The following DNTTIP1 variants were observed in gnomAD, a reference collection of about 807,000 sequenced individuals.
DNTTIP1 encodes deoxynucleotidyltransferase terminal-interacting protein 1.
In DNTTIP1, 22 loss-of-function variants were observed where a neutral mutation model predicts 52.9. That is an observed-to-expected ratio of 0.42 (90% CI 0.30 to 0.59). The LOEUF is 0.59. DNTTIP1 is among the 20% of genes least tolerant of loss of function. DNTTIP1 has a pLI of 0.22. For missense variants in DNTTIP1, 286 were observed against 435.5 expected, an observed-to-expected ratio of 0.66 and a Z score of 3.06; for synonymous variants, 136 against 155.1, an observed-to-expected ratio of 0.88 and a Z score of 0.92.
At chr20:45,800,588 C>T (rs773771851) in intron 4 of DNTTIP1, among the ~76,000 whole-genome samples, 1 of 148,942 alleles carries the variant, frequency 6.7e-6, no homozygotes, top group Non-Finnish European at 1.5e-5. Context: ...GCAGGAGAAT[C>T]GCTTGAACCC....
At chr20:45,797,684 C>T (rs56948489) in intron 4 of DNTTIP1, among the ~76,000 whole-genome samples, 8,775 of 152,300 alleles carry the variant, frequency 0.058, 634 homozygotes, top group African/African-American at 0.16. Context: ...CATGAACAGA[C>T]ACTCCTCAAA....
At chr20:45,801,046 T>C (rs1981450462) in intron 4 of DNTTIP1, 28 bp from the exon 5 acceptor site, 1 of 1,605,744 alleles carries the variant, frequency 6.2e-7, no homozygotes, top group African/African-American at 1.3e-5. Context: ...AAATAGTGAC[T>C]GGTAACACTT....
At chr20:45,803,943 G>T (rs1390424119) in intron 8 of DNTTIP1, among the ~76,000 whole-genome samples, 2 of 152,140 alleles carry the variant, frequency 1.3e-5, no homozygotes, top group East Asian at 3.9e-4. Context: ...TCTCTCTCCT[G>T]AGTTCTTCCT....
intron 5 of DNTTIP1, 87 bp downstream of exon 5, chr20:45,801,229 A>G (rs1981458898): frequency 3.5e-6 from 5 of 1,438,930 alleles, no homozygotes; most frequent in South Asian, 3.4e-5. Flanking sequence ...GGGAGGTTCC[A>G]TGTACTTCCA....
intron 7 of DNTTIP1, 43 bp from the exon 8 acceptor site, chr20:45,803,290 T>C: frequency 6.2e-7 from 1 of 1,608,018 alleles, no homozygotes; most frequent in Non-Finnish European, 8.5e-7. Flanking sequence ...TAGTCCTAGG[T>C]CTCACCTTGG....
At chr20:45,805,430 C>T in intron 10 of DNTTIP1, 64 bp downstream of exon 10, 6 of 1,543,310 alleles carry the variant, frequency 3.9e-6, no homozygotes, top group Non-Finnish European at 4.4e-6. Flanking sequence ...CTCCACTCAG[C>T]ACAGAGAAGC....
chr20:45,800,695 ATATATATATATATATATATATATATATAT>A lies in DNTTIP1; in HGVS notation c.373-378_373-350del, dbSNP rs1398196100. ...ATCTCAATTTAAAAAAAAAAAAAAA[ATATATATATATATATATATATATATATAT>A]ATATATATATATATATATATATATA... On this transcript the variant is annotated intron_variant, in intron 4 of 12. Transcript: ENST00000372622. Among the ~76,000 whole-genome samples the A allele has an allele frequency of 7.9e-3, 72 of 9,100 alleles. 10 individuals are homozygous for A. Among genetic ancestry groups the A allele is most frequent in the South Asian group, 0.049 (13 of 266 alleles). 6.0% of individuals were successfully genotyped at this position (9,100 alleles called of 152,430 possible). A position where few individuals can be genotyped will look rare whatever the true frequency, so the allele number is the denominator to read the frequency against.
At chr20:45,800,690 AAAAAATATATATATATAT>A (rs1981410485) in intron 4 of DNTTIP1, among the ~76,000 whole-genome samples, 2 of 52,358 alleles carry the variant, frequency 3.8e-5, no homozygotes, top group Admixed American at 6.1e-4. Flanking sequence ...AAAAAAAAAA[AAAAAATATATATATATAT>A]ATATATATAT....
chr20:45,798,662 G>A (rs190360774), intron 4 of DNTTIP1, among the ~76,000 whole-genome samples: 24 of 152,130 alleles, frequency 1.6e-4, no homozygotes, highest in Middle Eastern at 3.4e-3. Flanking sequence ...AGTACCTGGG[G>A]TACTCTACCC....
chr20:45,800,714 T>A (rs1362935347), intron 4 of DNTTIP1, among the ~76,000 whole-genome samples: 64 of 4,384 alleles, frequency 0.015, 9 homozygotes, highest in African/African-American at 0.035. Context: ...TATATATATA[T>A]ATATATATAT....
rs1353548886 is a variant in DNTTIP1, at chr20:45,805,204, A to G, written c.662A>G (p.Lys221Arg). The change falls in exon 9 of 13, where the codon AAA becomes AGA. Residue 221 changes from lysine to arginine, a missense_variant and splice_region_variant. Lys to Arg is a conservative substitution (Grantham distance 26). This residue lies in a region of DNTTIP1 where 78 missense variants were observed against 169.0 expected (regional missense o/e 0.46). Coordinates refer to ENST00000372622, the MANE Select transcript of DNTTIP1 (RefSeq NM_052951.3). ...TTFVLGSRAN[K>R]ALGMGGTRGR... is the part of the protein sequence containing the mutation. Reference sequence around the variant, plus strand: ...TTTGTGTTGGGATCTCGAGCCAACAAGTAAGTTTAAGAGCTTTGGCACTGA... The same window carrying G: ...TTTGTGTTGGGATCTCGAGCCAACAGGTAAGTTTAAGAGCTTTGGCACTGA... 2 of 1,614,110 alleles carry G rather than the reference A, an allele frequency of 1.2e-6. No homozygotes were observed. The highest frequency in any genetic ancestry group is 1.7e-5 in the Admixed American group (1 of 60,014).
intron 10 of DNTTIP1, 148 bp from the exon 11 acceptor site, chr20:45,808,966 G>T: frequency 1.5e-6 from 1 of 674,790 alleles, no homozygotes. Context: ...AGCTTTCTCT[G>T]AAGAGATTAG....
rs773603004 is a variant in DNTTIP1 at position 45,811,211 on chromosome 20, C to T, written c.*16C>T. The T allele has an allele frequency of 1.3e-6, 2 of 1,592,422 alleles. No homozygotes were observed. The highest frequency in any genetic ancestry group is 4.5e-5 in the East Asian group (2 of 44,794). On this transcript the variant is annotated 3_prime_UTR_variant, in exon 13 of 13. Transcript: ENST00000372622. ...ACAGACCTGAGGCCGGGTCCCCTGGCCACACTTGGCAGCCCTCCTCCAAAG... is the reference window on the plus strand; with the variant it reads ...ACAGACCTGAGGCCGGGTCCCCTGGTCACACTTGGCAGCCCTCCTCCAAAG...
intron 4 of DNTTIP1, among the ~76,000 whole-genome samples, chr20:45,799,442 A>G (rs1981350547): frequency 6.6e-6 from 1 of 152,154 alleles, no homozygotes; most frequent in African/African-American, 2.4e-5. Context: ...CCCTCTGCCC[A>G]TTCCATCCTT....
intron 4 of DNTTIP1, among the ~76,000 whole-genome samples, chr20:45,796,946 C>G (rs1172903335): frequency 1.3e-5 from 2 of 152,176 alleles, no homozygotes; most frequent in East Asian, 1.9e-4. Flanking sequence ...TCTCTCACCC[C>G]CCGCCTCTAA....
At chr20:45,805,488 T>G (rs1269211894) in intron 10 of DNTTIP1, 122 bp downstream of exon 10, 1 of 1,067,808 alleles carries the variant, frequency 9.4e-7, no homozygotes, top group African/African-American at 1.6e-5. Flanking sequence ...GTTCTAGTTG[T>G]GCCTCTGCCA....
chr20:45,809,007 CA>C lies in DNTTIP1; in HGVS notation c.724-105del. ...CCTCTAAGTCCACCACGCTTGGAGA[CA>C]AGGACTTTTGGTAAGAACTGCTCAA... On this transcript the variant is annotated intron_variant, in intron 10 of 12. Coordinates refer to ENST00000372622, the MANE Select transcript of DNTTIP1 (RefSeq NM_052951.3). This position sits in a 1 kb window ranked among gnomAD's most constrained non-coding sequence, Gnocchi z 4.2. The C allele has an allele frequency of 1.0e-6, 1 of 964,256 alleles. No homozygotes were observed. 59.7% of individuals were successfully genotyped at this position (964,256 alleles called of 1,614,324 possible).
Position 45,795,424 on chromosome 20 carries a change from G to C in DNTTIP1, c.353G>C (p.Cys118Ser). ...GCAGAGCAGCTGATCCAGGAAGCCTGTCGGAGCTGCCTGGAGCAGGTGAGA... is the reference window on the plus strand; with the variant it reads ...GCAGAGCAGCTGATCCAGGAAGCCTCTCGGAGCTGCCTGGAGCAGGTGAGA... The part of the protein sequence containing the change: ...VDAEQLIQEA[C>S]RSCLEQAKLL... Residue 118 changes from cysteine (C) to serine (S), a missense_variant, in exon 4 of 13, where the codon TGT (cysteine) becomes TCT (serine). By Grantham distance (112) the Cys-to-Ser change is moderately radical. Around this residue, in one of 2 missense-constraint regions of DNTTIP1, gnomAD observed 208 missense variants for 266.5 expected, o/e 0.78. Coordinates refer to ENST00000372622, the MANE Select transcript of DNTTIP1 (RefSeq NM_052951.3). 1 of 1,609,096 alleles carries C rather than the reference G, an allele frequency of 6.2e-7. No individual in the cohort carries two copies.
At chr20:45,803,402 A>C in intron 8 of DNTTIP1, 24 bp downstream of exon 8, 1 of 1,613,838 alleles carries the variant, frequency 6.2e-7, no homozygotes, top group Non-Finnish European at 8.5e-7. Context: ...AGCATGGCAG[A>C]GATCACGATC....
Sources: allele counts gnomAD v4.1 joint callset (sites outside exome capture counted in the v4.1 genomes callset), GRCh38; gene constraint gnomAD v4.1.1; regional missense constraint gnomAD v4.1.1; non-coding constraint Gnocchi (gnomAD v3.1); transcripts MANE v1.5; gene names NCBI Gene and HGNC (gene_info 2026-07-23, HGNC 2026-07-21).